DPP6: variants seen among roughly 807,000 people sequenced by gnomAD.
DPP6 encodes the protein dipeptidyl peptidase like 6.
A neutral mutation model predicts 122.6 loss-of-function variants in DPP6; 69 were observed. The observed-to-expected ratio is 0.56, with a 90% CI of 0.46 to 0.69. The LOEUF (loss-of-function observed/expected upper bound fraction) is 0.69. DPP6 is among the 30% of genes least tolerant of loss of function. DPP6 has a pLI of 0.00. For synonymous variants in DPP6, 418 were observed against 433.1 expected, an observed-to-expected ratio of 0.97 and a Z score of 0.43; for missense variants, 928 against 1,116.9, an observed-to-expected ratio of 0.83 and a Z score of 2.41.
chr7:154,659,119 G>A (rs1187946958), intron 6 of DPP6, among the ~76,000 whole-genome samples: 2 of 152,200 alleles, frequency 1.3e-5, no homozygotes, highest in Non-Finnish European at 2.9e-5. Flanking sequence ...CTGATACCCT[G>A]CAAGAAATCA....
chr7:154,572,495 CT>C (rs1411417129), intron 5 of DPP6, among the ~76,000 whole-genome samples: 1 of 100,702 alleles, frequency 9.9e-6, no homozygotes, highest in African/African-American at 3.7e-5. Flanking sequence ...ATATGAGTTT[CT>C]TTTTTTTTCT....
intron 1 of DPP6, among the ~76,000 whole-genome samples, chr7:154,023,357 C>CACACAT (rs1563109429): frequency 1.3e-5 from 2 of 151,086 alleles, no homozygotes; most frequent in African/African-American, 4.9e-5. Context: ...CACACACACA[C>CACACAT]ACACTTCTTA....
chr7:154,468,575 T>G (rs1206039874), intron 2 of DPP6, among the ~76,000 whole-genome samples: 3 of 152,206 alleles, frequency 2.0e-5, no homozygotes, highest in Admixed American at 6.5e-5. Context: ...GGTAACTCAC[T>G]AAAGAAAACA....
At chr7:154,438,057 C>T (rs1324995604) in intron 1 of DPP6, among the ~76,000 whole-genome samples, 1 of 152,036 alleles carries the variant, frequency 6.6e-6, no homozygotes, top group African/African-American at 2.4e-5. Flanking sequence ...AGGAGCATAC[C>T]CCTCAGGAAC....
At chr7:154,093,797 T>C (rs1302736409) in intron 1 of DPP6, 2 of 152,248 alleles carry the variant, frequency 1.3e-5, no homozygotes, top group African/African-American at 2.4e-5. Flanking sequence ...TTTGGCTGAT[T>C]GGCGGAACCC....
chr7:154,040,574 T>C (rs1194269000), intron 1 of DPP6, among the ~76,000 whole-genome samples: 5 of 148,788 alleles, frequency 3.4e-5, no homozygotes, highest in Admixed American at 1.3e-4. Context: ...ACAACAATTC[T>C]ATGGGCTGGA....
chr7:154,797,370 A>G (rs1482158646), intron 12 of DPP6, among the ~76,000 whole-genome samples: 1 of 152,028 alleles, frequency 6.6e-6, no homozygotes, highest in Admixed American at 6.6e-5. Flanking sequence ...TGTGTGTGTT[A>G]TATGTATATA....
rs1377465155 is a variant in DPP6, at chr7:154,885,650, G to A, written c.2151G>A (p.Leu717=). 3 of 1,580,312 alleles carry A rather than the reference G, an allele frequency of 1.9e-6. No individual in the cohort carries two copies. Among genetic ancestry groups the A allele is most frequent in the Non-Finnish European group, 2.6e-6 (3 of 1,163,426 alleles). ...AVFGKDYGGY[L]STYILPAKGE... Reference sequence around the variant, plus strand: ...TTCTCCAGGATTACGGTGGCTACCTGAGCACCTACATCCTCCCAGCAAAGG... The same window carrying A: ...TTCTCCAGGATTACGGTGGCTACCTAAGCACCTACATCCTCCCAGCAAAGG... Residue 717 remains leucine (L), a synonymous_variant, in exon 22 of 26, where the codon CTG becomes CTA. Transcript: ENST00000377770.
intron 1 of DPP6, among the ~76,000 whole-genome samples, chr7:154,104,171 GCC>G (rs1403064495): frequency 6.6e-6 from 1 of 152,200 alleles, no homozygotes; most frequent in Non-Finnish European, 1.5e-5. Flanking sequence ...ACGTGGCCTT[GCC>G]TTTCTGGAAT....
chr7:154,438,992 C>T (rs1434924886), intron 1 of DPP6, among the ~76,000 whole-genome samples: 1 of 152,206 alleles, frequency 6.6e-6, no homozygotes, highest in African/African-American at 2.4e-5. Flanking sequence ...GACTGGGATG[C>T]TCTTCACAAT....
Position 154,885,742 on chromosome 7 carries a change from A to G in DPP6, c.2243A>G (p.Tyr748Cys), listed in dbSNP as rs1161738577. The change falls in exon 22 of 26, where the codon TAT becomes TGT. Residue 748 changes from tyrosine to cysteine, a missense_variant and splice_region_variant. Physicochemically the swap from Tyr to Cys is radical, Grantham distance 194. Coordinates refer to ENST00000377770, the MANE Select transcript of DPP6 (RefSeq NM_130797.4). ...ALSPITDFKL[Y>C]ASAFSERYLG... ...TCTCCAATAACAGACTTCAAACTCT[A>G]TGGTAAATAGCCCTGCAGGACCAAG... is the stretch of plus-strand genomic sequence containing the variant. 3.8e-6 allele frequency: 6 copies of G among 1,588,428 alleles called. No individual in the cohort carries two copies. The highest frequency in any genetic ancestry group is 5.1e-6 in the Non-Finnish European group (6 of 1,167,424).
chr7:154,192,592 A>G (rs958519783), intron 1 of DPP6, among the ~76,000 whole-genome samples: 7 of 152,258 alleles, frequency 4.6e-5, no homozygotes, highest in African/African-American at 1.7e-4. Flanking sequence ...GAAATATCCA[A>G]ACAGAACACT....
At chr7:154,401,221 A>T (rs1022131204) in intron 1 of DPP6, among the ~76,000 whole-genome samples, 28 of 151,910 alleles carry the variant, frequency 1.8e-4, no homozygotes, top group Non-Finnish European at 3.8e-4. Flanking sequence ...CAAAAACAAA[A>T]AAAAAACAGG....
the DPP6 span, among the ~76,000 whole-genome samples, chr7:153,812,818 G>A: frequency 4.6e-5 from 7 of 151,818 alleles, no homozygotes; most frequent in Non-Finnish European, 7.4e-5. Context: ...CCAACAAATC[G>A]CCCTATGTAA....
chr7:154,218,321 TAC>T (rs1800118315), intron 1 of DPP6, among the ~76,000 whole-genome samples: 8 of 152,178 alleles, frequency 5.3e-5, no homozygotes, highest in Admixed American at 5.2e-4. Flanking sequence ...TGCCCAGGCT[TAC>T]AGAGTACCTT....
chr7:153,817,861 A>G, the DPP6 span, among the ~76,000 whole-genome samples: 4 of 151,986 alleles, frequency 2.6e-5, no homozygotes, highest in African/African-American at 9.6e-5. Flanking sequence ...GCACATGTAT[A>G]CATATGTAAT....
intron 1 of DPP6, among the ~76,000 whole-genome samples, chr7:154,406,375 G>A (rs760498066): frequency 5.9e-5 from 9 of 152,078 alleles, no homozygotes; most frequent in Non-Finnish European, 1.2e-4. Context: ...AGAACTGGCT[G>A]TGAAATCAAC....
chr7:154,567,978 G>T (rs1830868413), intron 5 of DPP6, among the ~76,000 whole-genome samples: 1 of 152,180 alleles, frequency 6.6e-6, no homozygotes, highest in South Asian at 2.1e-4. Context: ...TTTGGACTCT[G>T]TTTCAGTCTT....
chr7:154,420,997 A>G (rs932806200), intron 1 of DPP6, among the ~76,000 whole-genome samples: 3 of 152,194 alleles, frequency 2.0e-5, no homozygotes, highest in Non-Finnish European at 4.4e-5. Flanking sequence ...AAAAATAAAA[A>G]TAATAAAATA....
Sources: allele counts gnomAD v4.1 joint callset (sites outside exome capture counted in the v4.1 genomes callset), GRCh38; gene constraint gnomAD v4.1.1; transcripts MANE v1.5; gene names NCBI Gene and HGNC (gene_info 2026-07-23, HGNC 2026-07-21).